IPO9: variants seen among roughly 807,000 people sequenced by gnomAD.
IPO9 encodes importin-9.
A neutral mutation model predicts 128.6 loss-of-function variants in IPO9; 28 were observed. The ratio of observed to expected loss-of-function variants is 0.22; its 90% CI spans 0.16 to 0.30. The LOEUF is 0.30. Among genes scored for constraint, IPO9 ranks in the 10% least tolerant of loss-of-function variants. IPO9 has a pLI of 1.00. For missense variants in IPO9, 935 were observed against 1,293.9 expected (o/e 0.72, Z 4.26); for synonymous variants, 455 against 475.8 (o/e 0.96, Z 0.57).
At chr1:201,860,030 A>C (rs1005695381) in intron 13 of IPO9, among the ~76,000 whole-genome samples, 39 of 151,424 alleles carry the variant, frequency 2.6e-4, no homozygotes, top group African/African-American at 8.7e-4. Flanking sequence ...GCTGAGAATC[A>C]TTGTTGTCTA....
chr1:201,844,924 T>C (rs553675025), intron 1 of IPO9, among the ~76,000 whole-genome samples: 1 of 152,310 alleles, frequency 6.6e-6, no homozygotes, highest in South Asian at 2.1e-4. Context: ...TTTTCAAGTT[T>C]TTACCAGTAT....
intron 1 of IPO9, among the ~76,000 whole-genome samples, chr1:201,844,393 A>G (rs1280654232): frequency 1.3e-5 from 2 of 152,234 alleles, no homozygotes; most frequent in Non-Finnish European, 2.9e-5. Flanking sequence ...GATATTCACC[A>G]GAAGTGTTCT....
At chr1:201,871,372 ATTTCTTTTT>A in intron 19 of IPO9, 45 bp downstream of exon 19, 1 of 232,798 alleles carries the variant, frequency 4.3e-6, no homozygotes, top group Non-Finnish European at 6.7e-6. Flanking sequence ...CACCACTCAT[ATTTCTTTTT>A]TTTTTTTTTT....
In IPO9 at chr1:201,866,949, G is replaced by A; in HGVS notation, c.1845G>A (p.Lys615=). 6.2e-7 allele frequency: 1 copy of A among 1,613,250 alleles called. No homozygotes were observed. Among genetic ancestry groups the A allele is most frequent in the East Asian group, 2.2e-5 (1 of 44,884 alleles). Residue 615 remains lysine (K), a synonymous_variant, in exon 15 of 24, where the codon AAG becomes AAA. Transcript: ENST00000361565. ...CCTTCACCATCGCCATTTTCCTAAAGTACAGTAATGGTATGCTGCCAGGGA... is the reference window on the plus strand; with the variant it reads ...CCTTCACCATCGCCATTTTCCTAAAATACAGTAATGGTATGCTGCCAGGGA... ...ICPFTIAIFL[K]YSNDPVVASL... is the part of the protein sequence containing the mutation.
chr1:201,868,926 T>C (rs748070340), intron 16 of IPO9, 130 bp downstream of exon 16: 4 of 1,314,272 alleles, frequency 3.0e-6, no homozygotes, highest in Non-Finnish European at 4.0e-6. Context: ...CTCTTTTGCC[T>C]GCAAGGACAG....
At chr1:201,835,989 G>T (rs1188937850) in intron 1 of IPO9, among the ~76,000 whole-genome samples, 2 of 151,934 alleles carry the variant, frequency 1.3e-5, no homozygotes, top group Non-Finnish European at 2.9e-5. Flanking sequence ...GCGGGCGCCT[G>T]TAGTCCCAGC....
intron 9 of IPO9, 140 bp downstream of exon 9, chr1:201,855,322 C>T (rs757248261): frequency 5.2e-6 from 3 of 580,008 alleles, no homozygotes; most frequent in Non-Finnish European, 9.3e-6. Context: ...TCGATGTATT[C>T]GATGTGGGGA....
At chr1:201,829,500 A>G (rs1408761567) in intron 1 of IPO9, 128 bp downstream of exon 1, 12 of 890,974 alleles carry the variant, frequency 1.3e-5, no homozygotes, top group Non-Finnish European at 1.8e-5. Flanking sequence ...TGGAGCAGGA[A>G]GCGAGAGATT....
intron 1 of IPO9, among the ~76,000 whole-genome samples, chr1:201,834,388 CTT>C (rs986837354): frequency 2.0e-5 from 3 of 152,030 alleles, no homozygotes; most frequent in Admixed American, 6.5e-5. Context: ...TTCATCAACT[CTT>C]TTTCTTTTGT....
chr1:201,844,819 C>A (rs923682822), intron 1 of IPO9, among the ~76,000 whole-genome samples: 12 of 152,090 alleles, frequency 7.9e-5, no homozygotes, highest in African/African-American at 2.7e-4. Flanking sequence ...ATGGCTATTT[C>A]AGTAGAATCC....
In IPO9 at chr1:201,863,478, G is replaced by T. The variant is rs767072128; in HGVS notation, c.1499G>T (p.Trp500Leu). The change falls in exon 14 of 24, where the codon TGG becomes TTG. Residue 500 changes from tryptophan (W) to leucine (L), a missense_variant. Around this residue, in one of 3 missense-constraint regions of IPO9, gnomAD observed 741 missense variants for 1,019.1 expected, o/e 0.73. Coordinates refer to ENST00000361565, the MANE Select transcript of IPO9 (RefSeq NM_018085.5). ...CCTTTCCTCTTGGGCCGGGCACTTT[G>T]GGCTGCCAGTCGGTTCACTGTTGCT... ...VSPFLLGRAL[W>L]AASRFTVAMS... 3.5e-5 allele frequency: 55 copies of T among 1,590,078 alleles called. No homozygotes were observed. Among genetic ancestry groups the T allele is most frequent in the Non-Finnish European group, 4.6e-5 (53 of 1,161,088 alleles).
Position 201,843,699 on chromosome 1 carries a change from A to G in IPO9, c.164-3580A>G, listed in dbSNP as rs549948040. 2.0e-5 allele frequency among the ~76,000 whole-genome samples: 3 copies of G among 151,834 alleles called. No individual in the cohort carries two copies. In the East Asian group the frequency reaches 5.8e-4, roughly 29 times the overall value. ...AAAAATTAGCTGGGCGTGGTGGTAC[A>G]CTCCTGCAATTCCAGCTATTCCAGA... is the stretch of plus-strand genomic sequence containing the variant. On this transcript the variant is annotated intron_variant, in intron 1 of 23. Coordinates refer to ENST00000361565, the MANE Select transcript of IPO9 (RefSeq NM_018085.5).
At chr1:201,840,675 A>G (rs1041883968) in intron 1 of IPO9, among the ~76,000 whole-genome samples, 4 of 152,232 alleles carry the variant, frequency 2.6e-5, no homozygotes, top group African/African-American at 9.6e-5. Context: ...AACATATGGT[A>G]TATCTACATA....
chr1:201,847,960 A>G (rs1571543607), intron 3 of IPO9, among the ~76,000 whole-genome samples: 2 of 152,342 alleles, frequency 1.3e-5, no homozygotes, highest in South Asian at 4.1e-4. Context: ...TAACATTTGT[A>G]CTTAGTGCAG....
intron 1 of IPO9, among the ~76,000 whole-genome samples, chr1:201,834,756 A>C (rs1679894205): frequency 6.6e-6 from 1 of 152,212 alleles, no homozygotes; most frequent in South Asian, 2.1e-4. Context: ...GTCACAGAGA[A>C]TACATTTTTC....
chr1:201,882,327 G>A lies in IPO9; in HGVS notation c.*6273G>A, dbSNP rs1434216712. ...CATGCCTATAATCCTAGCTACTCAG[G>A]CAGCTGAAGCAGGAGAATTGCTTGA... On this transcript the variant is annotated 3_prime_UTR_variant, in exon 24 of 24. Coordinates refer to ENST00000361565, the MANE Select transcript of IPO9 (RefSeq NM_018085.5). The A allele has an allele frequency of 2.0e-5, 3 of 151,080 alleles. No individual in the cohort carries two copies. In the Admixed American group the frequency reaches 2.0e-4, roughly 10 times the overall value. 9.4% of individuals were successfully genotyped at this position (151,080 alleles called of 1,614,324 possible).
rs1309645830 is a variant in IPO9, at chr1:201,876,493, C to A, written c.*439C>A. 6.7e-6 allele frequency: 2 copies of A among 297,432 alleles called. No individual in the cohort carries two copies. The highest frequency in any genetic ancestry group is 1.7e-4 in the East Asian group (2 of 11,988). The allele number at this position is 297,432 out of a possible 1,614,324, so 18.4% of individuals were successfully genotyped here. On this transcript the variant is annotated 3_prime_UTR_variant, in exon 24 of 24. Coordinates refer to ENST00000361565, the MANE Select transcript of IPO9 (RefSeq NM_018085.5). ...TCTGATGTGTTCAGATAGGAATCCT[C>A]ATGAGAGATCATTATGCTTTGTGCC...
intron 15 of IPO9, among the ~76,000 whole-genome samples, chr1:201,867,626 A>C (rs900239090): frequency 6.6e-6 from 1 of 152,078 alleles, no homozygotes; most frequent in Non-Finnish European, 1.5e-5. Flanking sequence ...AAATACATCA[A>C]AATGTTGAGT....
At chr1:201,832,687 A>C (rs1679859734) in intron 1 of IPO9, among the ~76,000 whole-genome samples, 1 of 152,230 alleles carries the variant, frequency 6.6e-6, no homozygotes, top group Non-Finnish European at 1.5e-5. Flanking sequence ...AACCAGATCT[A>C]GTCCTCCCTC....
Sources: gnomAD v4.1 joint callset for allele counts (sites outside exome capture counted in the v4.1 genomes callset) on GRCh38, gnomAD v4.1.1 for gene constraint, gnomAD v4.1.1 regional missense constraint, MANE v1.5 for transcripts, NCBI Gene and HGNC (gene_info 2026-07-23, HGNC 2026-07-21) for gene names.